The following ZNF385D variants were observed in gnomAD, a reference collection of about 807,000 sequenced individuals.
ZNF385D encodes zinc finger protein 659.
A neutral mutation model predicts 35.8 loss-of-function variants in ZNF385D; 15 were observed. The observed-to-expected ratio is 0.42, with a 90% CI of 0.28 to 0.64. The LOEUF is 0.64. ZNF385D is among the 30% of genes least tolerant of loss of function. The pLI is 0.23. For synonymous variants in ZNF385D, 212 were observed against 186.8 expected, an observed-to-expected ratio of 1.13 and a Z score of -1.10; for missense variants, 474 against 494.6, an observed-to-expected ratio of 0.96 and a Z score of 0.39.
intron 2 of ZNF385D, among the ~76,000 whole-genome samples, chr3:21,591,728 A>C (rs2063981820): frequency 6.6e-6 from 1 of 152,110 alleles, no homozygotes; most frequent in Admixed American, 6.6e-5. Context: ...CTCTGTCCAC[A>C]AGCTTCTTTG....
At chr3:21,924,958 T>C (rs534655060) in intron 3 of ZNF385D, among the ~76,000 whole-genome samples, 4 of 152,202 alleles carry the variant, frequency 2.6e-5, no homozygotes, top group African/African-American at 4.8e-5. Context: ...ACAAGACATA[T>C]ACAGGACTTG....
At chr3:22,338,474 C>G (rs1695271449) in intron 2 of ZNF385D, among the ~76,000 whole-genome samples, 1 of 151,884 alleles carries the variant, frequency 6.6e-6, no homozygotes, top group South Asian at 2.1e-4. Flanking sequence ...TGAGTAAAGT[C>G]AGATTTTTAT....
intron 3 of ZNF385D, among the ~76,000 whole-genome samples, chr3:22,085,332 G>C (rs1338291846): frequency 6.6e-6 from 1 of 151,942 alleles, no homozygotes; most frequent in Non-Finnish European, 1.5e-5. Context: ...CCTCTAACAA[G>C]ACTAATAAAG....
At chr3:21,639,955 C>T (rs530325875) in intron 2 of ZNF385D, among the ~76,000 whole-genome samples, 3 of 152,100 alleles carry the variant, frequency 2.0e-5, no homozygotes, top group Non-Finnish European at 4.4e-5. Flanking sequence ...TCCAAAGACA[C>T]TTTTAGGGTT....
intron 3 of ZNF385D, among the ~76,000 whole-genome samples, chr3:21,867,742 TA>T (rs5847148): frequency 0.01 from 1,529 of 148,624 alleles, 23 homozygotes; most frequent in African/African-American, 0.026. Context: ...GTAGGAAAAG[TA>T]AAAAAAAAAA....
intron 3 of ZNF385D, among the ~76,000 whole-genome samples, chr3:22,019,348 C>G (rs535253029): frequency 6.6e-6 from 1 of 151,824 alleles, no homozygotes; most frequent in African/African-American, 2.4e-5. Context: ...TGGGAAATTT[C>G]ACTGTAATTC....
intron 2 of ZNF385D, among the ~76,000 whole-genome samples, chr3:22,351,466 G>C (rs912725184): frequency 6.6e-6 from 1 of 151,980 alleles, no homozygotes; most frequent in Non-Finnish European, 1.5e-5. Context: ...GAAATACTTG[G>C]CCCAGCTGTC....
chr3:21,751,166 G>A lies in ZNF385D; in HGVS notation c.-250C>T. On this transcript the variant is annotated 5_prime_UTR_variant, in exon 1 of 8. Coordinates refer to ENST00000281523, the MANE Select transcript of ZNF385D (RefSeq NM_024697.3). The stretch of plus-strand genomic sequence containing the variant: ...GCACTGCCCATCCTTACTGTAATCC[G>A]ACTCCTCCTTGCGATGTCCTTGCCG... 2 of 1,412,320 alleles carry A rather than the reference G, an allele frequency of 1.4e-6. No individual in the cohort carries two copies. Among genetic ancestry groups the A allele is most frequent in the South Asian group, 1.5e-5 (1 of 66,076 alleles). 87.5% of individuals were successfully genotyped at this position (1,412,320 alleles called of 1,614,324 possible).
intron 3 of ZNF385D, among the ~76,000 whole-genome samples, chr3:21,976,882 G>A (rs570003566): frequency 2.6e-5 from 4 of 152,136 alleles, no homozygotes; most frequent in African/African-American, 9.7e-5. Context: ...CAGCTACTTG[G>A]GAGGCTGAGG....
chr3:22,321,343 T>C (rs1369301093), intron 2 of ZNF385D, among the ~76,000 whole-genome samples: 1 of 151,972 alleles, frequency 6.6e-6, no homozygotes, highest in African/African-American at 2.4e-5. Flanking sequence ...TCAGTCTATA[T>C]ATATGTGTGT....
intron 3 of ZNF385D, among the ~76,000 whole-genome samples, chr3:22,078,939 A>G (rs1700602891): frequency 6.6e-6 from 1 of 152,004 alleles, no homozygotes; most frequent in African/African-American, 2.4e-5. Context: ...GTGGAAATTG[A>G]CCTATTTTTC....
At chr3:22,084,262 G>GC (rs1435346713) in intron 3 of ZNF385D, among the ~76,000 whole-genome samples, 67 of 152,260 alleles carry the variant, frequency 4.4e-4, no homozygotes, top group African/African-American at 1.5e-3. Context: ...TGGGCTATAT[G>GC]CTCAATTAAA....
At chr3:22,036,709 G>GTT (rs769311209) in intron 3 of ZNF385D, among the ~76,000 whole-genome samples, 13 of 133,778 alleles carry the variant, frequency 9.7e-5, no homozygotes, top group South Asian at 2.4e-4. Flanking sequence ...GCCCTACTAG[G>GTT]TTTTTTTTTT....
intron 4 of ZNF385D, among the ~76,000 whole-genome samples, chr3:21,468,401 C>CAAAAAAAA (rs1175784477): frequency 9.6e-5 from 7 of 72,634 alleles, no homozygotes; most frequent in Admixed American, 2.0e-4. Context: ...GACACTGTCT[C>CAAAAAAAA]AAAAAAAAAA....
intron 3 of ZNF385D, among the ~76,000 whole-genome samples, chr3:22,161,308 C>A (rs1705932734): frequency 6.6e-6 from 1 of 151,842 alleles, no homozygotes; most frequent in South Asian, 2.1e-4. Context: ...TGAATTGTGA[C>A]AAAAATTAGA....
chr3:21,919,472 T>C lies in ZNF385D; in HGVS notation c.325+249345A>G, dbSNP rs370125229. On this transcript the variant is annotated intron_variant, in intron 3 of 5. Coordinates refer to the ZNF385D transcript ENST00000494108. ...CACTTAAGACCCGTGTATTTCACTA[T>C]ATGTAAATCATATCTCAATTCAAAA... Among the ~76,000 whole-genome samples the C allele has an allele frequency of 3.3e-5, 5 of 152,228 alleles. No homozygotes were observed. The East Asian group carries it at 7.7e-4, about 23-fold the overall frequency.
chr3:21,592,163 T>C (rs189844373), intron 2 of ZNF385D, among the ~76,000 whole-genome samples: 1 of 152,274 alleles, frequency 6.6e-6, no homozygotes, highest in African/African-American at 2.4e-5. Flanking sequence ...TTCATAATTA[T>C]GATTTATGGT....
chr3:21,731,176 A>G (rs1575550692), intron 1 of ZNF385D, among the ~76,000 whole-genome samples: 1 of 152,322 alleles, frequency 6.6e-6, no homozygotes, highest in East Asian at 1.9e-4. Context: ...CCCACACCTA[A>G]TACTTAAACA....
intron 2 of ZNF385D, among the ~76,000 whole-genome samples, chr3:22,254,451 T>C (rs1394255805): frequency 1.3e-5 from 2 of 151,896 alleles, no homozygotes; most frequent in African/African-American, 4.8e-5. Context: ...TTTTTTGACC[T>C]AGCAAGTATC....
Sources: gnomAD v4.1 joint callset for allele counts (sites outside exome capture counted in the v4.1 genomes callset) on GRCh38, gnomAD v4.1.1 for gene constraint, MANE v1.5 for transcripts, NCBI Gene and HGNC (gene_info 2026-07-23, HGNC 2026-07-21) for gene names.